SOX6: variants seen among roughly 807,000 people sequenced by gnomAD.
The protein encoded by SOX6 is transcription factor SOX-6.
SOX6 carries 11 observed loss-of-function variants against 97.8 expected under a neutral mutation model. The ratio of observed to expected loss-of-function variants is 0.11; its 90% CI spans 0.07 to 0.19. The LOEUF (loss-of-function observed/expected upper bound fraction) is 0.19, where lower values mean the gene tolerates loss of function less well. Among genes scored for constraint, SOX6 ranks in the 10% least tolerant of loss-of-function variants. The pLI is 1.00. For missense variants in SOX6, 810 were observed against 1,039.5 expected (o/e 0.78, Z 3.04); for synonymous variants, 360 against 371.4 (o/e 0.97, Z 0.35).
rs554515290 is a variant in SOX6, at chr11:16,624,019, T to C, written n.430-11759A>G. The stretch of plus-strand genomic sequence containing the variant: ...CCTTCGGAGGCAATCATCATTGTGA[T>C]TGCTATCACAGTAGATTAGTTTTGC... On this transcript the variant is annotated intron_variant and non_coding_transcript_variant, in intron 3 of 5. Transcript: ENST00000524520. 9.8e-5 allele frequency among the ~76,000 whole-genome samples: 15 copies of C among 152,314 alleles called. No individual in the cohort carries two copies. In the East Asian group the frequency reaches 1.2e-3, roughly 12 times the overall value.
rs544933033 is a variant in SOX6, at chr11:16,734,225, G to C, written n.353+2114C>G. On this transcript the variant is annotated intron_variant and non_coding_transcript_variant, in intron 2 of 5. Coordinates refer to the SOX6 transcript ENST00000524520. ...GACAAATCTGCCTGCCCAATGGACAGAATGGGAGTTACCCAATCATCAACC... is the reference window on the plus strand; with the variant it reads ...GACAAATCTGCCTGCCCAATGGACACAATGGGAGTTACCCAATCATCAACC... Among the ~76,000 whole-genome samples the C allele has an allele frequency of 1.3e-4, 20 of 152,228 alleles. 1 individual carries two copies. Among genetic ancestry groups the C allele is most frequent in the African/African-American group, 4.6e-4 (19 of 41,542 alleles).
rs1325229631 is a variant in SOX6 at position 16,201,425 on chromosome 11, C to T, written c.536-14470G>A. The stretch of plus-strand genomic sequence containing the variant: ...CTGGCAAGCTGAAATATGAATGGCA[C>T]TATTCTTTAGAATAATTAGGCTCAA... On this transcript the variant is annotated intron_variant, in intron 4 of 15. Coordinates refer to ENST00000683767, the MANE Select transcript of SOX6 (RefSeq NM_001367873.1). 5.3e-5 allele frequency among the ~76,000 whole-genome samples: 8 copies of T among 151,418 alleles called. No homozygotes were observed. In the East Asian group the frequency reaches 1.5e-3, roughly 29 times the overall value.
chr11:16,629,439 T>C (rs949669525), intron 3 of SOX6, among the ~76,000 whole-genome samples: 2 of 152,228 alleles, frequency 1.3e-5, no homozygotes, highest in Non-Finnish European at 2.9e-5. Context: ...ATTTGAGAAA[T>C]GAAACCTTTT....
At position 16,315,417 on chromosome 11, in the gene SOX6, T is replaced by C. The variant is rs372826725; in HGVS notation, c.445+3029A>G. ...ATATGTAGAAAAATAATCACAATAC[T>C]ATGTAGTCCTTGAAAAGTGCTGTAA... On this transcript the variant is annotated intron_variant, in intron 3 of 15. Coordinates refer to ENST00000683767, the MANE Select transcript of SOX6 (RefSeq NM_001367873.1). 50 of 152,236 alleles carry C rather than the reference T, an allele frequency of 3.3e-4. No homozygotes were observed. The East Asian group carries it at 7.1e-3, about 22-fold the overall frequency. 9.4% of individuals were successfully genotyped at this position (152,236 alleles called of 1,614,324 possible).
intron 3 of SOX6, among the ~76,000 whole-genome samples, chr11:16,690,050 G>C (rs1030305073): frequency 6.6e-6 from 1 of 151,372 alleles, no homozygotes; most frequent in African/African-American, 2.4e-5. Context: ...TCAGCCTCCC[G>C]AGTATCTGGG....
At chr11:16,533,845 A>G (rs1861270970) in intron 4 of SOX6, among the ~76,000 whole-genome samples, 1 of 152,106 alleles carries the variant, frequency 6.6e-6, no homozygotes, top group Admixed American at 6.6e-5. Context: ...TATCAAGTAA[A>G]AATTCACATA....
At chr11:16,134,348 G>T (rs1268179190) in intron 6 of SOX6, among the ~76,000 whole-genome samples, 1 of 152,202 alleles carries the variant, frequency 6.6e-6, no homozygotes, top group East Asian at 1.9e-4. Flanking sequence ...TTGTAGGAGT[G>T]AGAGTAGTGA....
intron 12 of SOX6, among the ~76,000 whole-genome samples, chr11:16,034,393 C>T (rs1340327476): frequency 2.6e-5 from 4 of 152,166 alleles, no homozygotes; most frequent in Non-Finnish European, 5.9e-5. Context: ...CATTTCCATC[C>T]ATAGTGGGAA....
intron 3 of SOX6, among the ~76,000 whole-genome samples, chr11:16,663,866 C>T (rs183750612): frequency 5.9e-5 from 9 of 152,228 alleles, no homozygotes; most frequent in Non-Finnish European, 7.4e-5. Flanking sequence ...ACTTTAAAGC[C>T]TTTAACAAAT....
intron 13 of SOX6, among the ~76,000 whole-genome samples, chr11:16,010,143 C>CA (rs1425089879): frequency 6.6e-6 from 1 of 150,910 alleles, no homozygotes; most frequent in Non-Finnish European, 1.5e-5. Context: ...CACACACACA[C>CA]ACACACACAC....
intron 3 of SOX6, among the ~76,000 whole-genome samples, chr11:16,237,578 G>T (rs1442098702): frequency 8.6e-5 from 13 of 151,830 alleles, no homozygotes; most frequent in Non-Finnish European, 1.9e-4. Flanking sequence ...AAAAATCAAA[G>T]TGGTAAAAAT....
intron 13 of SOX6, among the ~76,000 whole-genome samples, chr11:16,004,756 A>C (rs761262203): frequency 6.6e-6 from 1 of 152,126 alleles, no homozygotes; most frequent in Non-Finnish European, 1.5e-5. Flanking sequence ...CAATTTAGTC[A>C]GCTCATCTTG....
intron 3 of SOX6, among the ~76,000 whole-genome samples, chr11:16,263,589 G>T (rs1434249278): frequency 6.6e-6 from 1 of 151,818 alleles, no homozygotes; most frequent in Non-Finnish European, 1.5e-5. Flanking sequence ...ACAGTGACTG[G>T]GCATTTGGCA....
chr11:16,257,126 C>A (rs1853717018), intron 3 of SOX6, among the ~76,000 whole-genome samples: 1 of 151,788 alleles, frequency 6.6e-6, no homozygotes, highest in African/African-American at 2.4e-5. Context: ...TCAAGATGTC[C>A]ATTCTTCCCC....
chr11:16,458,554 G>A (rs756187916), intron 1 of SOX6, among the ~76,000 whole-genome samples: 2 of 152,064 alleles, frequency 1.3e-5, no homozygotes, highest in Non-Finnish European at 2.9e-5. Context: ...ACAGGAAGCA[G>A]GAAGAGGAAC....
intron 3 of SOX6, among the ~76,000 whole-genome samples, chr11:16,661,450 G>C (rs1847764865): frequency 6.6e-6 from 1 of 152,068 alleles, no homozygotes; most frequent in Non-Finnish European, 1.5e-5. Context: ...TGATGTATTT[G>C]GATTAACATC....
chr11:16,229,247 C>T (rs1852777522), intron 4 of SOX6, among the ~76,000 whole-genome samples: 2 of 151,998 alleles, frequency 1.3e-5, no homozygotes, highest in South Asian at 4.1e-4. Context: ...AAAATAATGA[C>T]AGAGTTCTAA....
intron 1 of SOX6, among the ~76,000 whole-genome samples, chr11:16,433,349 T>C (rs904834022): frequency 1.3e-5 from 2 of 152,066 alleles, no homozygotes; most frequent in African/African-American, 2.4e-5. Context: ...ATATGAAATA[T>C]AGCATTTAGT....
At chr11:16,303,135 TTA>T (rs1201572847) in intron 3 of SOX6, among the ~76,000 whole-genome samples, 1 of 152,334 alleles carries the variant, frequency 6.6e-6, no homozygotes, top group Non-Finnish European at 1.5e-5. Flanking sequence ...ACATATGTTG[TTA>T]TGTGTGTATA....
Sources: gnomAD v4.1 joint callset for allele counts (sites outside exome capture counted in the v4.1 genomes callset) on GRCh38, gnomAD v4.1.1 for gene constraint, MANE v1.5 for transcripts, NCBI Gene and HGNC (gene_info 2026-07-23, HGNC 2026-07-21) for gene names.